Variants in ADAMTS10 observed in about 807,000 individuals in gnomAD.
ADAMTS10 encodes ADAM metallopeptidase with thrombospondin type 1 motif 10.
A neutral mutation model predicts 135.9 loss-of-function variants in ADAMTS10; 48 were observed. The ratio of observed to expected loss-of-function variants is 0.35; its 90% confidence interval spans 0.28 to 0.45. ADAMTS10 has a LOEUF of 0.45. ADAMTS10 is among the 20% of genes least tolerant of loss of function. The probability of loss-of-function intolerance (pLI) is 1.00; values close to 1 mark genes in which losing one functional copy is unlikely to be tolerated. For missense variants in ADAMTS10, 1,131 were observed against 1,565.2 expected (o/e 0.72, Z 4.68); for synonymous variants, 621 against 647.5 (o/e 0.96, Z 0.62).
intron 12 of ADAMTS10, 117 bp from the exon 13 acceptor site, chr19:8,592,987 G>A (rs34134669): frequency 1.4e-4 from 134 of 930,828 alleles, no homozygotes; most frequent in Non-Finnish European, 2.2e-4. Flanking sequence ...CAGAGAGCCC[G>A]GTGCTCCCTT....
At chr19:8,608,998 C>T (rs1201725256) in intron 1 of ADAMTS10, among the ~76,000 whole-genome samples, 4 of 148,852 alleles carry the variant, frequency 2.7e-5, no homozygotes, top group Non-Finnish European at 4.5e-5. Flanking sequence ...CAGCCCAGGG[C>T]ACCAGGTGGT....
chr19:8,608,170 CCCTGTACGGAT>C lies in ADAMTS10; in HGVS notation c.-147_-137del, dbSNP rs782808543. 100 of 152,424 alleles carry C rather than the reference CCCTGTACGGAT, an allele frequency of 6.6e-4. No individual in the cohort carries two copies. Among genetic ancestry groups the C allele is most frequent in the Admixed American group, 1.1e-3 (17 of 15,274 alleles). The allele number at this position is 152,424 out of a possible 1,614,324, so 9.4% of individuals were successfully genotyped here. A position where few individuals can be genotyped will look rare whatever the true frequency, so the allele number is the denominator to read the frequency against. On this transcript the variant is annotated 5_prime_UTR_variant, in exon 2 of 26. Transcript: ENST00000597188. ...TTCGGTTGGTGGAGTAGTGTTGGGC[CCCTGTACGGAT>C]CCTTCCCTCGCCTGCTCCCTGCACC... is the stretch of plus-strand genomic sequence containing the variant.
chr19:8,605,026 T>A lies in ADAMTS10; in HGVS notation c.421A>T (p.Thr141Ser), dbSNP rs934523427. ...QASSSHVAIS[T>S]CGGLHGLIVA... ...CCTCAGCTCACCAGGCCTCCACAGG[T>A]GCTGATGGCCACATGGGAGCTGCTG... is the stretch of plus-strand genomic sequence containing the variant. The change falls in exon 4 of 26, where the codon ACC (threonine) becomes TCC (serine). Residue 141 changes from threonine (T) to serine (S), a missense_variant. Physicochemically the swap from Thr to Ser is moderately conservative, Grantham distance 58. This residue lies in a region of ADAMTS10 where 306 missense variants were observed against 344.4 expected (regional missense o/e 0.89). Coordinates refer to ENST00000597188, the MANE Select transcript of ADAMTS10 (RefSeq NM_030957.4). The surrounding 1 kb of genome is among the most constrained non-coding windows in gnomAD (Gnocchi z 7.7). The A allele has an allele frequency of 6.2e-7, 1 of 1,606,670 alleles. No individual in the cohort carries two copies. Among genetic ancestry groups the A allele is most frequent in the Admixed American group, 1.7e-5 (1 of 58,770 alleles).
intron 25 of ADAMTS10, among the ~76,000 whole-genome samples, chr19:8,581,622 G>A (rs1555735890): frequency 6.6e-6 from 1 of 151,834 alleles, no homozygotes; most frequent in Non-Finnish European, 1.5e-5. Flanking sequence ...ATCACTTCAG[G>A]TCGGGAGTTT....
chr19:8,589,458 T>A lies in ADAMTS10; in HGVS notation c.2028A>T (p.Glu676Asp), dbSNP rs782707663. ...CCCTGGGAGTCCCCTCCACCTTGCA[T>A]TCGCCACTGACGCAAATGTCCACCG... is the stretch of plus-strand genomic sequence containing the variant. ...PDTVDICVSG[E>D]CKHVGCDRVL... The change falls in exon 17 of 26, where the codon GAA (glutamate) becomes GAT (aspartate). Residue 676 changes from glutamate (E) to aspartate (D), a missense_variant. Around this residue, in one of 3 missense-constraint regions of ADAMTS10, gnomAD observed 745 missense variants for 1,056.3 expected, o/e 0.71. Coordinates refer to ENST00000597188, the MANE Select transcript of ADAMTS10 (RefSeq NM_030957.4). The A allele has an allele frequency of 6.9e-6, 10 of 1,440,382 alleles. No homozygotes were observed. The South Asian group carries it at 1.0e-4, about 15-fold the overall frequency. 89.2% of individuals were successfully genotyped at this position (1,440,382 alleles called of 1,614,324 possible).
chr19:8,584,910 CGGGGGTT>C lies in ADAMTS10; in HGVS notation c.3180_3186del (p.Thr1061GlyfsTer10). On this transcript the variant is annotated frameshift_variant, in exon 25 of 26. Transcript: ENST00000597188. LOFTEE classifies it high-confidence loss of function. ...ACCCACATACCTTCAGGGCCGTCCC[CGGGGGTT>C]GGGCTGTCGCACTTGGCCTCACACT... 1 of 1,548,966 alleles carries C rather than the reference CGGGGGTT, an allele frequency of 6.5e-7. No individual in the cohort carries two copies. Among genetic ancestry groups the C allele is most frequent in the South Asian group, 1.2e-5 (1 of 84,014 alleles).
In ADAMTS10 at chr19:8,603,820, C is replaced by G. The variant is rs140455426; in HGVS notation, c.500G>C (p.Gly167Ala). Residue 167 changes from glycine to alanine, a missense_variant, in exon 5 of 26, where the codon GGT becomes GCT. Physicochemically the swap from Gly to Ala is moderately conservative, Grantham distance 60. This residue lies in a region of ADAMTS10 where 306 missense variants were observed against 344.4 expected (regional missense o/e 0.89). Coordinates refer to ENST00000597188, the MANE Select transcript of ADAMTS10 (RefSeq NM_030957.4). ...TCCACTTTCCTCCGGGCTCCGAGAACCCTTGGGCCCACCGTGCAGGGGCTC... is the reference window on the plus strand; with the variant it reads ...TCCACTTTCCTCCGGGCTCCGAGAAGCCTTGGGCCCACCGTGCAGGGGCTC... ...LIEPLHGGPK[G>A]SRSPEESGPH... 3.7e-6 allele frequency: 6 copies of G among 1,613,978 alleles called. No individual in the cohort carries two copies. Among genetic ancestry groups the G allele is most frequent in the Non-Finnish European group, 5.1e-6 (6 of 1,180,042 alleles).
rs267606637 is a variant in ADAMTS10 at position 8,589,302 on chromosome 19, C to T, written c.2098G>A (p.Gly700Ser). Residue 700 changes from glycine (G) to serine (S), a missense_variant, in exon 18 of 26, where the codon GGT (glycine) becomes AGT (serine). Gly to Ser is a moderately conservative substitution (Grantham distance 56). Coordinates refer to ENST00000597188, the MANE Select transcript of ADAMTS10 (RefSeq NM_030957.4). Reference sequence around the variant, plus strand: ...ATGGTCTCGCAGGCACTGCCGTCACCGCCACACACTCGGCACTTGTCCTCC... The same window carrying T: ...ATGGTCTCGCAGGCACTGCCGTCACTGCCACACACTCGGCACTTGTCCTCC... The part of the protein sequence containing the change: ...LREDKCRVCG[G>S]DGSACETIEG... 1.3e-4 allele frequency: 202 copies of T among 1,612,550 alleles called. No individual in the cohort carries two copies. The highest frequency in any genetic ancestry group is 1.6e-4 in the Non-Finnish European group (193 of 1,179,966).
At chr19:8,603,539 G>T (rs1199104338) in intron 5 of ADAMTS10, among the ~76,000 whole-genome samples, 189 bp downstream of exon 5, 1 of 152,198 alleles carries the variant, frequency 6.6e-6, no homozygotes, top group African/African-American at 2.4e-5. Context: ...CTCCCAAGGT[G>T]CTGGGATTAT....
rs1555737018 is a variant in ADAMTS10 at position 8,586,058 on chromosome 19, G to A, written c.2660+64C>T. 8 of 1,609,992 alleles carry A rather than the reference G, an allele frequency of 5.0e-6. No individual in the cohort carries two copies. In the Middle Eastern group the frequency reaches 6.6e-4, roughly 133 times the overall value. ...TGCTCCCCACCCCCCTGGAGCACTCGCTCTTGACTCCAGGGAGTACTCTCC... is the reference window on the plus strand; with the variant it reads ...TGCTCCCCACCCCCCTGGAGCACTCACTCTTGACTCCAGGGAGTACTCTCC... On this transcript the variant is annotated intron_variant, in intron 22 of 25. Transcript: ENST00000597188.
chr19:8,589,511 C>G lies in ADAMTS10; in HGVS notation c.1975G>C (p.Val659Leu). 1 of 1,613,564 alleles carries G rather than the reference C, an allele frequency of 6.2e-7. No homozygotes were observed. Among genetic ancestry groups the G allele is most frequent in the Non-Finnish European group, 8.5e-7 (1 of 1,179,978 alleles). Residue 659 changes from valine to leucine, a missense_variant, in exon 17 of 26, where the codon GTG becomes CTG. Transcript: ENST00000597188. ...NFYTERAAAV[V>L]DGTPCRPDTV... ...TCTGGACGGCAGGGTGTCCCGTCCA[C>G]CACGGCTGCCGCCCTCTCCGTGTAG...
chr19:8,601,246 C>A lies in ADAMTS10; in HGVS notation c.593-101G>T, dbSNP rs2042666775. On this transcript the variant is annotated intron_variant, in intron 5 of 25. Transcript: ENST00000597188. This position sits in a 1 kb window ranked among gnomAD's most constrained non-coding sequence, Gnocchi z 4.6. ...ACCTCTGACTGGCTACCTCTCTACC[C>A]AACAGTCTGGACAGACAATTTCTGG... 2.3e-6 allele frequency: 3 copies of A among 1,305,380 alleles called. No individual in the cohort carries two copies. The South Asian group carries it at 3.8e-5, about 16-fold the overall frequency. 80.9% of individuals were successfully genotyped at this position (1,305,380 alleles called of 1,614,324 possible).
At chr19:8,593,421 T>TAGA (rs2042567320) in intron 12 of ADAMTS10, 1 of 160,088 alleles carries the variant, frequency 6.2e-6, no homozygotes, top group East Asian at 1.8e-4. Flanking sequence ...TTTTTCCAGC[T>TAGA]GTTGGTTCTC....
chr19:8,591,670 GA>G, intron 15 of ADAMTS10, 129 bp downstream of exon 15: 2 of 1,075,306 alleles, frequency 1.9e-6, no homozygotes, highest in Non-Finnish European at 2.8e-6. Context: ...TCGATCTCCT[GA>G]CCTCGTGATC....
In ADAMTS10 at chr19:8,596,850, C is replaced by A. The variant is rs2042611234; in HGVS notation, c.1040+137G>T. 3 of 1,396,266 alleles carry A rather than the reference C, an allele frequency of 2.1e-6. No homozygotes were observed. The highest frequency in any genetic ancestry group is 3.6e-5 in the Admixed American group (2 of 55,052). The allele number at this position is 1,396,266 out of a possible 1,614,324, so 86.5% of individuals were successfully genotyped here. A position where few individuals can be genotyped will look rare whatever the true frequency, so the allele number is the denominator to read the frequency against. ...TTATTCTCAAGCAGCCCCTCCCCAT[C>A]CCTGGCTCCCTCATGGGCAGCCCAA... On this transcript the variant is annotated intron_variant, in intron 8 of 25. Coordinates refer to ENST00000597188, the MANE Select transcript of ADAMTS10 (RefSeq NM_030957.4). This position sits in a 1 kb window ranked among gnomAD's most constrained non-coding sequence, Gnocchi z 7.2.
rs2042712068 is a variant in ADAMTS10 at position 8,605,529 on chromosome 19, C to T, written c.88+94G>A. ...CCCAGGGCCTTCCCCCATTGACCCC[C>T]ATCCCAGCCCCCTGATGCCTCTTTC... On this transcript the variant is annotated intron_variant, in intron 3 of 25. Coordinates refer to ENST00000597188, the MANE Select transcript of ADAMTS10 (RefSeq NM_030957.4). The surrounding 1 kb of genome is among the most constrained non-coding windows in gnomAD (Gnocchi z 7.7). The T allele has an allele frequency of 1.3e-6, 2 of 1,502,560 alleles. No homozygotes were observed. The highest frequency in any genetic ancestry group is 1.8e-6 in the Non-Finnish European group (2 of 1,108,004). 93.1% of individuals were successfully genotyped at this position (1,502,560 alleles called of 1,614,324 possible).
At position 8,586,168 on chromosome 19, in the gene ADAMTS10, G is replaced by A. The variant is rs200370843; in HGVS notation, c.2614C>T (p.Leu872=). ...TTGCAGGCGCGCTGCCTTTTGGGCA[G>A]CTTGCTGTGGGCACTGCAGTAGTGG... ...APHYCSAHSK[L]PKRQRACNTE... Residue 872 remains leucine (L), a synonymous_variant, in exon 22 of 26, where the codon CTG becomes TTG. Coordinates refer to ENST00000597188, the MANE Select transcript of ADAMTS10 (RefSeq NM_030957.4). 1.2e-6 allele frequency: 2 copies of A among 1,610,664 alleles called. No homozygotes were observed. The highest frequency in any genetic ancestry group is 1.7e-6 in the Non-Finnish European group (2 of 1,179,402).
intron 12 of ADAMTS10, 51 bp from the exon 13 acceptor site, chr19:8,592,921 G>T: frequency 6.4e-7 from 1 of 1,552,546 alleles, no homozygotes. Context: ...TCCTCCCTGG[G>T]GCAGCCCGCC....
rs1555736477 is a variant in ADAMTS10, at chr19:8,585,026, C to T, written c.3071G>A (p.Arg1024Gln). The change falls in exon 25 of 26, where the codon CGG becomes CAG. Residue 1024 changes from arginine (R) to glutamine (Q), a missense_variant. Coordinates refer to ENST00000597188, the MANE Select transcript of ADAMTS10 (RefSeq NM_030957.4). Reference protein sequence around the residue: ...ECSAQCGVGQRQRSVRCTSHT... With the variant: ...ECSAQCGVGQQQRSVRCTSHT... Reference sequence around the variant, plus strand: ...GCTGGTGCAGCGCACCGAGCGCTGCCGCTGCCCGACGCCGCACTGTGCAGA... The same window carrying T: ...GCTGGTGCAGCGCACCGAGCGCTGCTGCTGCCCGACGCCGCACTGTGCAGA... 6.5e-7 allele frequency: 1 copy of T among 1,533,362 alleles called. No homozygotes were observed. The highest frequency in any genetic ancestry group is 8.7e-7 in the Non-Finnish European group (1 of 1,143,244). 95.0% of individuals were successfully genotyped at this position (1,533,362 alleles called of 1,614,324 possible).
Sources: gnomAD v4.1 joint callset for allele counts (sites outside exome capture counted in the v4.1 genomes callset) on GRCh38, gnomAD v4.1.1 for gene constraint, gnomAD v4.1.1 regional missense constraint, Gnocchi (gnomAD v3.1) non-coding constraint, MANE v1.5 for transcripts, NCBI Gene and HGNC (gene_info 2026-07-23, HGNC 2026-07-21) for gene names.